The following HDAC9 variants were observed in gnomAD, a reference collection of about 807,000 sequenced individuals.
HDAC9 encodes the protein histone deacetylase 9, also known as MEF-2 interacting transcription repressor (MITR) protein.
A neutral mutation model predicts 139.4 loss-of-function variants in HDAC9; 41 were observed. The observed-to-expected ratio is 0.29, with a 90% CI of 0.23 to 0.38. The LOEUF is 0.38. Among genes scored for constraint, HDAC9 ranks in the 10% least tolerant of loss-of-function variants. The pLI is 1.00. For missense variants in HDAC9, 1,147 were observed against 1,297.0 expected (o/e 0.88, Z 1.78); for synonymous variants, 517 against 476.2 (o/e 1.09, Z -1.12).
intron 12 of HDAC9, among the ~76,000 whole-genome samples, chr7:18,669,908 A>G (rs566545849): frequency 1.3e-5 from 2 of 152,036 alleles, no homozygotes; most frequent in Admixed American, 1.3e-4. Context: ...GCTACTTTTC[A>G]TAGATCTGAG....
chr7:18,201,454 T>C (rs1468043201), intron 2 of HDAC9, among the ~76,000 whole-genome samples: 1 of 152,218 alleles, frequency 6.6e-6, no homozygotes, highest in Non-Finnish European at 1.5e-5. Context: ...CAGCTTCTTA[T>C]GCCTTTAACA....
chr7:18,693,837 T>C (rs1307034185), intron 12 of HDAC9, among the ~76,000 whole-genome samples: 1 of 152,218 alleles, frequency 6.6e-6, no homozygotes, highest in African/African-American at 2.4e-5. Flanking sequence ...CCACATTTAA[T>C]ATGTTGCTGT....
intron 16 of HDAC9, among the ~76,000 whole-genome samples, chr7:18,778,735 T>G (rs931271179): frequency 6.6e-6 from 1 of 152,034 alleles, no homozygotes; most frequent in African/African-American, 2.4e-5. Flanking sequence ...CCCCGGATCT[T>G]AAGTAAGGAT....
intron 1 of HDAC9, among the ~76,000 whole-genome samples, chr7:18,333,370 C>T (rs114354334): frequency 1.3e-5 from 2 of 151,514 alleles, no homozygotes; most frequent in African/African-American, 4.8e-5. Context: ...TAAAATTGTA[C>T]AGTATTAGGG....
rs183169830 is a variant in HDAC9, at chr7:18,918,980, C to G, written c.2804-16829C>G. On this transcript the variant is annotated intron_variant, in intron 22 of 25. Transcript: ENST00000686413. The stretch of plus-strand genomic sequence containing the variant: ...TATTACATGTTTCAGATCCCCTGTG[C>G]AAATCAAGTCTTTGCCCTTTTAAGT... Among the ~76,000 whole-genome samples the G allele has an allele frequency of 3.3e-5, 5 of 152,070 alleles. No individual in the cohort carries two copies. The East Asian group carries it at 9.7e-4, about 29-fold the overall frequency.
chr7:18,896,370 C>T (rs1179878487), intron 22 of HDAC9, among the ~76,000 whole-genome samples: 2 of 152,032 alleles, frequency 1.3e-5, no homozygotes, highest in African/African-American at 2.4e-5. Context: ...AAGAAACACT[C>T]AATTTGGTCA....
intron 1 of HDAC9, among the ~76,000 whole-genome samples, chr7:18,409,939 A>C (rs970835137): frequency 1.3e-5 from 2 of 152,220 alleles, no homozygotes; most frequent in African/African-American, 4.8e-5. Flanking sequence ...ATTAGCTTTA[A>C]CTAAGAAAAG....
intron 6 of HDAC9, among the ~76,000 whole-genome samples, chr7:18,598,717 C>CT (rs1277799301): frequency 6.6e-6 from 1 of 152,166 alleles, no homozygotes; most frequent in East Asian, 1.9e-4. Context: ...TGTAGAAGGT[C>CT]TTTTTAATGT....
At chr7:18,125,223 C>G (rs1486062228) in intron 1 of HDAC9, among the ~76,000 whole-genome samples, 1 of 152,012 alleles carries the variant, frequency 6.6e-6, no homozygotes, top group Non-Finnish European at 1.5e-5. Flanking sequence ...TCAATTCCTG[C>G]CACCCGGGAC....
chr7:18,130,220 T>G (rs1784916190), intron 1 of HDAC9, among the ~76,000 whole-genome samples: 1 of 152,108 alleles, frequency 6.6e-6, no homozygotes, highest in Non-Finnish European at 1.5e-5. Context: ...ATGTCGGTGC[T>G]CAAAACGTTT....
At chr7:18,894,990 A>G (rs1801047320) in intron 22 of HDAC9, among the ~76,000 whole-genome samples, 1 of 152,060 alleles carries the variant, frequency 6.6e-6, no homozygotes, top group Non-Finnish European at 1.5e-5. Context: ...GTGAAACAGG[A>G]ACAAAGGTAA....
At chr7:18,567,125 G>C (rs1433827517) in intron 2 of HDAC9, among the ~76,000 whole-genome samples, 1 of 152,160 alleles carries the variant, frequency 6.6e-6, no homozygotes, top group African/African-American at 2.4e-5. Context: ...TTGAACCTTG[G>C]CTTTGAGTAT....
chr7:18,304,309 C>T (rs1798770842), intron 1 of HDAC9, among the ~76,000 whole-genome samples: 1 of 152,158 alleles, frequency 6.6e-6, no homozygotes, highest in African/African-American at 2.4e-5. Context: ...AAATTACTTT[C>T]CCAAAGGTTT....
intron 1 of HDAC9, among the ~76,000 whole-genome samples, chr7:18,291,921 A>C (rs1166897688): frequency 6.6e-6 from 1 of 152,050 alleles, no homozygotes; most frequent in Non-Finnish European, 1.5e-5. Flanking sequence ...GGGGCGCTGC[A>C]GTTGGGTTTA....
chr7:18,658,899 C>CAAAAAAAAAAAA (rs11306117), intron 11 of HDAC9, among the ~76,000 whole-genome samples: 6 of 118,146 alleles, frequency 5.1e-5, no homozygotes, highest in East Asian at 2.2e-4. Context: ...AAAAAAAAAG[C>CAAAAAAAAAAAA]AAAAAAAAAA....
intron 1 of HDAC9, among the ~76,000 whole-genome samples, chr7:18,324,761 A>C (rs1034106472): frequency 2.0e-5 from 3 of 152,186 alleles, no homozygotes; most frequent in Non-Finnish European, 4.4e-5. Flanking sequence ...TGAGCAAGAA[A>C]TAGCTCTTGC....
intron 12 of HDAC9, among the ~76,000 whole-genome samples, chr7:18,673,066 A>C (rs1584810594): frequency 1.3e-5 from 2 of 151,630 alleles, no homozygotes; most frequent in South Asian, 2.1e-4. Context: ...ATTTTTCTTC[A>C]TGAATATTAC....
chr7:18,698,075 A>G (rs1389541502), intron 12 of HDAC9, among the ~76,000 whole-genome samples: 3 of 152,184 alleles, frequency 2.0e-5, no homozygotes, highest in Non-Finnish European at 2.9e-5. Context: ...CTTATCTGTT[A>G]TCATAAACAC....
chr7:18,863,588 A>G (rs1167008812), intron 21 of HDAC9, among the ~76,000 whole-genome samples: 1 of 152,196 alleles, frequency 6.6e-6, no homozygotes, highest in Non-Finnish European at 1.5e-5. Context: ...GGTCCCCAAA[A>G]TACATCTGTG....
Sources: allele counts gnomAD v4.1 joint callset (sites outside exome capture counted in the v4.1 genomes callset), GRCh38; gene constraint gnomAD v4.1.1; transcripts MANE v1.5; gene names NCBI Gene and HGNC (gene_info 2026-07-23, HGNC 2026-07-21).